SLC24A1: variants seen among roughly 807,000 people sequenced by gnomAD.
SLC24A1 encodes sodium/potassium/calcium exchanger 1.
Under a neutral mutation model 88.1 loss-of-function variants are expected in SLC24A1, and 52 were observed. The ratio of observed to expected loss-of-function variants is 0.59; its 90% CI spans 0.47 to 0.74. SLC24A1 has a LOEUF of 0.74. Ranked by LOEUF, SLC24A1 falls within the 30% of genes least tolerant of loss-of-function variation. SLC24A1 has a pLI of 0.00. For synonymous variants in SLC24A1, 455 were observed against 498.0 expected (o/e 0.91, Z 1.15); for missense variants, 1,173 against 1,363.3 (o/e 0.86, Z 2.20).
At position 65,625,637 on chromosome 15, in the gene SLC24A1, C is replaced by T; in HGVS notation, c.1557C>T (p.Ser519=). 6.2e-7 allele frequency: 1 copy of T among 1,614,016 alleles called. No homozygotes were observed. The highest frequency in any genetic ancestry group is 8.5e-7 in the Non-Finnish European group (1 of 1,179,892). Residue 519 remains serine, a synonymous_variant, in exon 2 of 10, where the codon TCC becomes TCT. Coordinates refer to ENST00000261892, the MANE Select transcript of SLC24A1 (RefSeq NM_004727.3). ...LFTSLIGVFI[S]HSNVGIGTIV... ...CCTCCCTCATCGGTGTCTTCATTTC[C>T]CACAGCAACGTGGGCATTGGTACCA... is the stretch of plus-strand genomic sequence containing the variant.
chr15:65,620,227 C>T (rs1246650489), upstream of SLC24A1, among the ~76,000 whole-genome samples: 3 of 151,840 alleles, frequency 2.0e-5, no homozygotes, highest in Admixed American at 6.6e-5. Flanking sequence ...GGAGTTCACC[C>T]GCTAGTAAGA....
intron 2 of SLC24A1, among the ~76,000 whole-genome samples, chr15:65,636,822 G>A (rs2074951481): frequency 6.6e-6 from 1 of 151,634 alleles, no homozygotes; most frequent in Admixed American, 6.6e-5. Flanking sequence ...GTTGCAGTGA[G>A]GCGATATTGC....
downstream of SLC24A1, among the ~76,000 whole-genome samples, chr15:65,658,614 G>C (rs2075754262): frequency 6.6e-6 from 1 of 152,152 alleles, no homozygotes; most frequent in South Asian, 2.1e-4. Flanking sequence ...AATACAAACT[G>C]GTTGAACATC....
upstream of SLC24A1, among the ~76,000 whole-genome samples, chr15:65,617,987 G>T (rs1441849641): frequency 6.6e-6 from 1 of 152,140 alleles, no homozygotes; most frequent in Non-Finnish European, 1.5e-5. Context: ...GATTACAGGA[G>T]TGCACCACTG....
chr15:65,641,255 G>A (rs2075118659), intron 4 of SLC24A1, among the ~76,000 whole-genome samples: 1 of 152,144 alleles, frequency 6.6e-6, no homozygotes, highest in South Asian at 2.1e-4. Flanking sequence ...AGCTACTTGG[G>A]AGGCTGAGGC....
At chr15:65,614,005 CTCA>C (rs1355789526) in intron 2 of SLC24A1, among the ~76,000 whole-genome samples, 2 of 152,204 alleles carry the variant, frequency 1.3e-5, no homozygotes, top group Admixed American at 6.5e-5. Context: ...GCCCCTTCCT[CTCA>C]TCATTACCTC....
In SLC24A1 at chr15:65,628,899, A is replaced by G. The variant is rs149284897; in HGVS notation, c.1890+2929A>G. On this transcript the variant is annotated intron_variant, in intron 2 of 9. Transcript: ENST00000261892. ...TACAAAGCCACTTTGCTTTTCAAAC[A>G]GGACTTAGGTTGCTCGTCTGTAAAG... is the stretch of plus-strand genomic sequence containing the variant. 2.3e-4 allele frequency among the ~76,000 whole-genome samples: 35 copies of G among 152,372 alleles called. No homozygotes were observed. In the East Asian group the frequency reaches 6.7e-3, roughly 29 times the overall value.
intron 8 of SLC24A1, 40 bp downstream of exon 8, chr15:65,651,799 C>A: frequency 2.0e-6 from 2 of 1,002,576 alleles, no homozygotes; most frequent in South Asian, 2.6e-5. Flanking sequence ...ACCAGCAGGT[C>A]CCAACGACAC....
At chr15:65,618,693 G>GA (rs923237815), upstream of SLC24A1, among the ~76,000 whole-genome samples, 49 of 151,874 alleles carry the variant, frequency 3.2e-4, no homozygotes, top group Admixed American at 2.6e-4. Context: ...AGCTTACAGG[G>GA]AAAAAAAAGG....
intron 6 of SLC24A1, among the ~76,000 whole-genome samples, chr15:65,646,142 A>G (rs2075293166): frequency 6.6e-6 from 1 of 152,190 alleles, no homozygotes; most frequent in Admixed American, 6.5e-5. Context: ...GAGCTTTCCA[A>G]GTCCTGATAC....
Position 65,655,366 on chromosome 15 carries a change from A to C in SLC24A1, c.*1287A>C, listed in dbSNP as rs920901371. 1 of 985,392 alleles carries C rather than the reference A, an allele frequency of 1.0e-6. No homozygotes were observed. Among genetic ancestry groups the C allele is most frequent in the Non-Finnish European group, 1.2e-6 (1 of 829,860 alleles). The allele number at this position is 985,392 out of a possible 1,614,324, so 61.0% of individuals were successfully genotyped here. On this transcript the variant is annotated 3_prime_UTR_variant, in exon 10 of 10. Transcript: ENST00000261892. ...TGAATGGATCTTAAGGTAATTACAA[A>C]AGGGAAATTCCAAGAATGCATAACA...
At chr15:65,645,936 C>G (rs1287979328) in intron 6 of SLC24A1, among the ~76,000 whole-genome samples, 1 of 152,204 alleles carries the variant, frequency 6.6e-6, no homozygotes, top group Non-Finnish European at 1.5e-5. Context: ...GTATTGTGAA[C>G]TGTCACATGC....
At chr15:65,616,088 A>G (rs2074134491) in intron 2 of SLC24A1, among the ~76,000 whole-genome samples, 1 of 151,954 alleles carries the variant, frequency 6.6e-6, no homozygotes, top group Non-Finnish European at 1.5e-5. Context: ...ATAGTATTCC[A>G]TGGTGTATAT....
intron 2 of SLC24A1, among the ~76,000 whole-genome samples, chr15:65,632,574 T>C (rs1050193981): frequency 2.6e-5 from 4 of 152,136 alleles, no homozygotes; most frequent in African/African-American, 9.7e-5. Flanking sequence ...AAATGTATGG[T>C]AATTAAAATC....
chr15:65,616,362 C>T (rs920390291), intron 2 of SLC24A1, among the ~76,000 whole-genome samples: 1 of 152,164 alleles, frequency 6.6e-6, no homozygotes, highest in Admixed American at 6.5e-5. Flanking sequence ...AAAAGCATTC[C>T]TATTTCTCCA....
intron 2 of SLC24A1, among the ~76,000 whole-genome samples, chr15:65,636,290 A>G (rs373364190): frequency 7.2e-5 from 11 of 152,332 alleles, no homozygotes; most frequent in African/African-American, 2.6e-4. Context: ...CCCAGTATCT[A>G]CAAAAAACAA....
intron 3 of SLC24A1, among the ~76,000 whole-genome samples, chr15:65,638,440 G>A (rs1219028883): frequency 1.3e-5 from 2 of 152,208 alleles, no homozygotes; most frequent in Non-Finnish European, 2.9e-5. Flanking sequence ...TTAGCTTGCT[G>A]TGTGACCTTG....
downstream of SLC24A1, among the ~76,000 whole-genome samples, chr15:65,657,363 C>T (rs548664729): frequency 1.2e-3 from 180 of 151,822 alleles, 4 homozygotes; most frequent in South Asian, 0.035. Flanking sequence ...GGAAAAGGGC[C>T]GGGCGCGGTG....
Position 65,655,588 on chromosome 15 carries a change from T to C in SLC24A1, c.*1509T>C. 1 of 985,412 alleles carries C rather than the reference T, an allele frequency of 1.0e-6. No homozygotes were observed. The highest frequency in any genetic ancestry group is 1.2e-6 in the Non-Finnish European group (1 of 829,916). 61.0% of individuals were successfully genotyped at this position (985,412 alleles called of 1,614,324 possible). A position where few individuals can be genotyped will look rare whatever the true frequency, so the allele number is the denominator to read the frequency against. ...AATAGAACAGCTTAATATCACTGGC[T>C]TCAGAGCAAAATGAGCTCGGGTGAC... On this transcript the variant is annotated 3_prime_UTR_variant, in exon 10 of 10. Transcript: ENST00000261892.
Sources: gnomAD v4.1 joint callset for allele counts (sites outside exome capture counted in the v4.1 genomes callset) on GRCh38, gnomAD v4.1.1 for gene constraint, MANE v1.5 for transcripts, NCBI Gene and HGNC (gene_info 2026-07-23, HGNC 2026-07-21) for gene names.